PRIMA1: variants seen among roughly 807,000 people sequenced by gnomAD.
The protein encoded by PRIMA1 is proline rich membrane anchor 1, also known as proline-rich membrane anchor 1.
A neutral mutation model predicts 17.5 loss-of-function variants in PRIMA1; 7 were observed. That is an observed-to-expected ratio of 0.40 (90% CI 0.23 to 0.75). The LOEUF (loss-of-function observed/expected upper bound fraction) is 0.75, where lower values mean the gene tolerates loss of function less well. PRIMA1 is among the 30% of genes least tolerant of loss of function. PRIMA1 has a pLI of 0.37. For missense variants in PRIMA1, 200 were observed against 201.8 expected (o/e 0.99, Z 0.05); for synonymous variants, 97 against 77.9 (o/e 1.25, Z -1.29).
intron 3 of PRIMA1, among the ~76,000 whole-genome samples, chr14:93,750,304 G>A (rs1394828309): frequency 6.6e-6 from 1 of 152,218 alleles, no homozygotes; most frequent in Non-Finnish European, 1.5e-5. Flanking sequence ...TGCACTGGGA[G>A]GCTGAGGCAA....
At chr14:93,769,899 C>T (rs117614526) in intron 3 of PRIMA1, among the ~76,000 whole-genome samples, 1,888 of 152,262 alleles carry the variant, frequency 0.012, 24 homozygotes, top group Non-Finnish European at 0.021. Context: ...ACTGAGCCAC[C>T]GCCTTCCTTG....
intron 3 of PRIMA1, among the ~76,000 whole-genome samples, chr14:93,768,719 CA>C (rs1322155405): frequency 4.6e-5 from 7 of 151,494 alleles, no homozygotes; most frequent in Admixed American, 3.3e-4. Flanking sequence ...TTGCTGGACA[CA>C]AATAAATAAA....
At chr14:93,787,039 C>G (rs1885545746) in intron 2 of PRIMA1, among the ~76,000 whole-genome samples, 1 of 152,092 alleles carries the variant, frequency 6.6e-6, no homozygotes, top group Admixed American at 6.5e-5. Context: ...GACTAGGGAC[C>G]ACCCCATTGA....
At chr14:93,787,589 A>T in intron 2 of PRIMA1, 37 bp downstream of exon 2, 2 of 1,537,720 alleles carry the variant, frequency 1.3e-6, no homozygotes, top group Non-Finnish European at 1.7e-6. Context: ...CTTACCCAGG[A>T]GGCCCTCCCA....
intron 4 of PRIMA1, among the ~76,000 whole-genome samples, chr14:93,729,530 G>A (rs1246686881): frequency 6.6e-6 from 1 of 152,248 alleles, no homozygotes; most frequent in Non-Finnish European, 1.5e-5. Context: ...TTTGTGGTGA[G>A]TTGAGGGTGG....
At chr14:93,751,145 G>C (rs1488024386) in intron 3 of PRIMA1, among the ~76,000 whole-genome samples, 1 of 152,210 alleles carries the variant, frequency 6.6e-6, no homozygotes, top group African/African-American at 2.4e-5. Context: ...GAAGCTACAC[G>C]TCTGACTTTT....
At chr14:93,765,842 C>T (rs1884879720) in intron 3 of PRIMA1, among the ~76,000 whole-genome samples, 1 of 152,220 alleles carries the variant, frequency 6.6e-6, no homozygotes, top group South Asian at 2.1e-4. Context: ...CCCTCATGCT[C>T]CATCCCTGCA....
intron 4 of PRIMA1, among the ~76,000 whole-genome samples, chr14:93,736,381 G>A (rs545793230): frequency 5.9e-5 from 9 of 152,270 alleles, no homozygotes; most frequent in Admixed American, 1.3e-4. Flanking sequence ...CTAAGAGAAC[G>A]TTGGTGAGGA....
At chr14:93,781,958 G>A (rs1327239758) in intron 2 of PRIMA1, among the ~76,000 whole-genome samples, 3 of 151,566 alleles carry the variant, frequency 2.0e-5, no homozygotes, top group Non-Finnish European at 4.4e-5. Context: ...AGGCGACAGA[G>A]CAAAACTCCA....
intron 4 of PRIMA1, 48 bp from the exon 5 acceptor site, chr14:93,721,594 G>T (rs2076039091): frequency 1.7e-6 from 2 of 1,151,964 alleles, no homozygotes; most frequent in African/African-American, 3.0e-5. Flanking sequence ...GGGGAGGCAG[G>T]GACACCATTA....
intron 3 of PRIMA1, among the ~76,000 whole-genome samples, chr14:93,769,614 A>G (rs557032121): frequency 1.3e-5 from 2 of 152,304 alleles, no homozygotes; most frequent in East Asian, 3.9e-4. Context: ...ATGAGGTTTC[A>G]TAAGGAGCCT....
chr14:93,768,241 A>G (rs549307636), intron 3 of PRIMA1, among the ~76,000 whole-genome samples: 20 of 152,222 alleles, frequency 1.3e-4, no homozygotes, highest in African/African-American at 4.8e-4. Flanking sequence ...GGCAGGATTG[A>G]GTTTGGCCTA....
intron 3 of PRIMA1, among the ~76,000 whole-genome samples, chr14:93,739,322 G>A (rs925773020): frequency 2.0e-5 from 3 of 152,284 alleles, no homozygotes; most frequent in Non-Finnish European, 4.4e-5. Context: ...AAAGTGCTGG[G>A]ATTACAGGCA....
In PRIMA1 at chr14:93,785,597, C is replaced by G. The variant is rs117105341; in HGVS notation, c.93+2029G>C. 1.3e-3 allele frequency among the ~76,000 whole-genome samples: 198 copies of G among 152,334 alleles called. 7 individuals carry two copies. In the East Asian group the frequency reaches 0.037, roughly 28 times the overall value. The stretch of plus-strand genomic sequence containing the variant: ...GACATGACAGATTTTATTTTCCCCA[C>G]TTAAAGAGAAACACATGGCTTCGTG... On this transcript the variant is annotated intron_variant, in intron 2 of 4. Coordinates refer to ENST00000393140, the MANE Select transcript of PRIMA1 (RefSeq NM_178013.4).
chr14:93,723,169 C>T (rs2076053457), intron 4 of PRIMA1, among the ~76,000 whole-genome samples: 1 of 152,112 alleles, frequency 6.6e-6, no homozygotes, highest in African/African-American at 2.4e-5. Context: ...AATTCCATGC[C>T]ACAATTCCGC....
chr14:93,787,701 C>A lies in PRIMA1; in HGVS notation c.18G>T (p.Leu6Phe). The A allele has an allele frequency of 6.5e-7, 1 of 1,544,372 alleles. No homozygotes were observed. The highest frequency in any genetic ancestry group is 8.7e-7 in the Non-Finnish European group (1 of 1,146,684). ...ACCAGCAGCAGCCACGGCGCAGCAC[C>A]AAGTCCCGGAGGAGCATCTCGGCCA... MLLRD[L>F]VLRRGCCWSS... The change falls in exon 2 of 5, where the codon TTG becomes TTT. Residue 6 changes from leucine to phenylalanine, a missense_variant. Transcript: ENST00000393140.
chr14:93,725,837 T>G (rs917069619), intron 4 of PRIMA1: 7 of 417,252 alleles, frequency 1.7e-5, no homozygotes, highest in Non-Finnish European at 2.9e-5. Context: ...ACTTCCTACC[T>G]AACGCGTGCC....
At chr14:93,745,642 T>C (rs144213046) in intron 3 of PRIMA1, among the ~76,000 whole-genome samples, 1 of 152,310 alleles carries the variant, frequency 6.6e-6, no homozygotes, top group East Asian at 1.9e-4. Context: ...CCACATCCTG[T>C]GGCTGCTCCC....
chr14:93,779,217 G>A lies in PRIMA1; in HGVS notation c.188C>T (p.Pro63Leu). The A allele has an allele frequency of 3.1e-6, 4 of 1,304,878 alleles. No individual in the cohort carries two copies. The highest frequency in any genetic ancestry group is 1.5e-5 in the South Asian group (1 of 65,140). 80.8% of individuals were successfully genotyped at this position (1,304,878 alleles called of 1,614,324 possible). A position where few individuals can be genotyped will look rare whatever the true frequency, so the allele number is the denominator to read the frequency against. The change falls in exon 3 of 5, where the codon CCG becomes CTG. Residue 63 changes from proline to leucine, a missense_variant. Transcript: ENST00000393140. ...TCTGGGAGGTGGCGGGGGTGGGGGCGGCGGGGGCAGCGGGGGAGGGGGCCG... is the reference window on the plus strand; with the variant it reads ...TCTGGGAGGTGGCGGGGGTGGGGGCAGCGGGGGCAGCGGGGGAGGGGGCCG... ...QCRPPPPLPP[P>L]PPPPPPPRLL...
Sources: gnomAD v4.1 joint callset for allele counts (sites outside exome capture counted in the v4.1 genomes callset) on GRCh38, gnomAD v4.1.1 for gene constraint, MANE v1.5 for transcripts, NCBI Gene and HGNC (gene_info 2026-07-23, HGNC 2026-07-21) for gene names.